The following MYO1H variants were observed in gnomAD, a reference collection of about 807,000 sequenced individuals.
The protein encoded by MYO1H is myosin IH.
Under a neutral mutation model 149.3 loss-of-function variants are expected in MYO1H, and 118 were observed. The ratio of observed to expected loss-of-function variants is 0.79; its 90% CI spans 0.68 to 0.92. The LOEUF is 0.92. Among genes scored for constraint, MYO1H ranks in the 40% least tolerant of loss-of-function variants. The pLI, the probability that MYO1H is intolerant of heterozygous loss-of-function variation, is 0.00. For missense variants in MYO1H, 1,212 were observed against 1,280.7 expected, an observed-to-expected ratio of 0.95 and a Z score of 0.82; for synonymous variants, 447 against 465.2, an observed-to-expected ratio of 0.96 and a Z score of 0.50.
chr12:109,443,045 T>TGTATATATGTGTAC lies in MYO1H; in HGVS notation c.2689-464_2689-451dup, dbSNP rs1555255544. Among the ~76,000 whole-genome samples, 305 of 93,478 alleles carry TGTATATATGTGTAC rather than the reference T, an allele frequency of 3.3e-3. 68 individuals are homozygous for TGTATATATGTGTAC. The highest frequency in any genetic ancestry group is 4.8e-3 in the Admixed American group (49 of 10,180). 61.3% of individuals were successfully genotyped at this position (93,478 alleles called of 152,430 possible). A position where few individuals can be genotyped will look rare whatever the true frequency, so the allele number is the denominator to read the frequency against. On this transcript the variant is annotated intron_variant, in intron 27 of 31. Coordinates refer to ENST00000310903, the Ensembl canonical transcript of MYO1H. ...ATATATATATGTGTGTGTGTGTGTG[T>TGTATATATGTGTAC]GTATATATGTGTACGTATGTGTGTA...
At chr12:109,430,042 G>A (rs1871544653) in intron 19 of MYO1H, among the ~76,000 whole-genome samples, 1 of 152,218 alleles carries the variant, frequency 6.6e-6, no homozygotes, top group Non-Finnish European at 1.5e-5. Flanking sequence ...CTTGTGACCT[G>A]ATCACCTGTC....
chr12:109,327,116 C>CTTTTTGTTTTTTTTTTT, the MYO1H span, among the ~76,000 whole-genome samples: 1 of 126,216 alleles, frequency 7.9e-6, no homozygotes, highest in African/African-American at 3.1e-5. Context: ...TTTTTCTTTT[C>CTTTTTGTTTTTTTTTTT]TTTTTCTTTT....
At chr12:109,435,442 G>A (rs187038551) in intron 21 of MYO1H, among the ~76,000 whole-genome samples, 35 of 152,326 alleles carry the variant, frequency 2.3e-4, no homozygotes, top group Admixed American at 1.4e-3. Flanking sequence ...ACTTGTCTGC[G>A]TGTCTGATGT....
chr12:109,408,014 G>A (rs767390294), intron 10 of MYO1H, 101 bp downstream of exon 10: 81 of 1,449,656 alleles, frequency 5.6e-5, no homozygotes, highest in Admixed American at 3.5e-5. Context: ...AACTGTGGGC[G>A]CCTCATGGGC....
At chr12:109,363,381 A>T (rs944954753) in intron 1 of MYO1H, among the ~76,000 whole-genome samples, 10 of 152,152 alleles carry the variant, frequency 6.6e-5, no homozygotes, top group Admixed American at 6.5e-5. Flanking sequence ...AGGAATCCAG[A>T]AATCTAGCTG....
Position 109,363,176 on chromosome 12 carries a change from C to G in MYO1H, c.12+15204C>G, listed in dbSNP as rs184180786. On this transcript the variant is annotated intron_variant, in intron 1 of 31. Coordinates refer to ENST00000310903, the Ensembl canonical transcript of MYO1H. ...TGTTTGGCACAAAAAAAATTACATG[C>G]TAGTTAAATGGTAAATTGTTTCTTT... Among the ~76,000 whole-genome samples, 441 of 152,320 alleles carry G rather than the reference C, an allele frequency of 2.9e-3. 4 individuals are homozygous for G. Among genetic ancestry groups the G allele is most frequent in the African/African-American group, 9.5e-3 (397 of 41,578 alleles).
intron 30 of MYO1H, among the ~76,000 whole-genome samples, chr12:109,444,799 C>T (rs1196053841): frequency 2.6e-5 from 4 of 151,082 alleles, no homozygotes; most frequent in East Asian, 3.9e-4. Flanking sequence ...ACCCAGGAAG[C>T]GGAGGTTGCA....
At chr12:109,400,624 A>G (rs1044978089) in intron 5 of MYO1H, among the ~76,000 whole-genome samples, 6 of 152,340 alleles carry the variant, frequency 3.9e-5, no homozygotes, top group African/African-American at 1.2e-4. Context: ...TATTGACACA[A>G]GGATAGATAA....
At chr12:109,409,654 CT>C in intron 11 of MYO1H, 30 bp downstream of exon 11, 1 of 1,543,592 alleles carries the variant, frequency 6.5e-7, no homozygotes, top group Non-Finnish European at 9.0e-7. Flanking sequence ...ACCTATCTGT[CT>C]TTTGCCCTTT....
chr12:109,394,355 C>T (rs1869801829), intron 3 of MYO1H, among the ~76,000 whole-genome samples: 1 of 152,132 alleles, frequency 6.6e-6, no homozygotes, highest in Non-Finnish European at 1.5e-5. Context: ...TGGTTAGTTA[C>T]ACATTAATTC....
At chr12:109,349,982 T>A (rs1308967958) in intron 1 of MYO1H, among the ~76,000 whole-genome samples, 1 of 148,820 alleles carries the variant, frequency 6.7e-6, no homozygotes, top group Non-Finnish European at 1.5e-5. Context: ...AAAGTTAATA[T>A]TATTATTATA....
exon 14 of MYO1H, chr12:109,411,946 A>T (rs1566032949): frequency 6.2e-7 from 1 of 1,606,308 alleles, no homozygotes; most frequent in Non-Finnish European, 8.5e-7. Flanking sequence ...TTCCTGGAGA[A>T]ATTGGAAGAG....
chr12:109,382,630 C>G (rs1869228098), intron 1 of MYO1H, among the ~76,000 whole-genome samples: 1 of 151,874 alleles, frequency 6.6e-6, no homozygotes, highest in Non-Finnish European at 1.5e-5. Flanking sequence ...AGTTTTAGAG[C>G]TCCTATGTTT....
chr12:109,378,748 C>A (rs570710773), intron 1 of MYO1H, among the ~76,000 whole-genome samples: 82 of 151,754 alleles, frequency 5.4e-4, no homozygotes, highest in Non-Finnish European at 1.0e-3. Context: ...TAAAAGGAAG[C>A]TAGCACGTAG....
intron 1 of MYO1H, among the ~76,000 whole-genome samples, chr12:109,350,130 C>T (rs1275581731): frequency 4.6e-5 from 7 of 151,986 alleles, no homozygotes; most frequent in Admixed American, 2.0e-4. Context: ...GCATTTGCTT[C>T]GTGCCGTTGA....
chr12:109,378,614 C>G (rs979522723), intron 1 of MYO1H, among the ~76,000 whole-genome samples: 1 of 152,160 alleles, frequency 6.6e-6, no homozygotes, highest in Non-Finnish European at 1.5e-5. Context: ...CCACTGTGCC[C>G]GACCTGCACC....
chr12:109,318,830 G>C, the MYO1H span, among the ~76,000 whole-genome samples: 2 of 152,066 alleles, frequency 1.3e-5, no homozygotes. Flanking sequence ...TCCAAATCAA[G>C]TCTGGAGTTT....
chr12:109,427,912 ATATAT>A (rs1871443266), intron 19 of MYO1H, among the ~76,000 whole-genome samples: 5 of 51,946 alleles, frequency 9.6e-5, no homozygotes, highest in African/African-American at 1.5e-4. Flanking sequence ...AAAAAAAAAT[ATATAT>A]ATATATATAT....
exon 8 of MYO1H, chr12:109,405,964 A>G: frequency 1.9e-6 from 3 of 1,613,864 alleles, no homozygotes; most frequent in Middle Eastern, 1.6e-4. Flanking sequence ...CCTGGGGAAC[A>G]TTGGTTTTGA....
Sources: allele counts gnomAD v4.1 joint callset (sites outside exome capture counted in the v4.1 genomes callset), GRCh38; gene constraint gnomAD v4.1.1; transcripts MANE v1.5; gene names NCBI Gene and HGNC (gene_info 2026-07-23, HGNC 2026-07-21).